The following SEC23IP variants were observed in gnomAD, a reference collection of about 807,000 sequenced individuals.
SEC23IP encodes the protein SEC23-interacting protein.
In SEC23IP, 70 loss-of-function variants were observed where a neutral mutation model predicts 113.4. The observed-to-expected ratio is 0.62, with a 90% CI of 0.51 to 0.75. The LOEUF is 0.75. Among genes scored for constraint, SEC23IP ranks in the 30% least tolerant of loss-of-function variants. The pLI is 0.00. For synonymous variants in SEC23IP, 398 were observed against 421.0 expected (o/e 0.95, Z 0.67); for missense variants, 1,160 against 1,204.9 (o/e 0.96, Z 0.55).
chr10:119,938,496 T>C (rs941460001), intron 18 of SEC23IP, among the ~76,000 whole-genome samples: 1 of 152,208 alleles, frequency 6.6e-6, no homozygotes, highest in South Asian at 2.1e-4. Flanking sequence ...CCTTTGAGAC[T>C]CCCTTTCTGG....
intron 13 of SEC23IP, 140 bp downstream of exon 13, chr10:119,926,367 A>T (rs1201398964): frequency 1.8e-5 from 16 of 875,074 alleles, no homozygotes; most frequent in Non-Finnish European, 2.7e-5. Flanking sequence ...CTTAGTGAAA[A>T]TTTTTTTCTT....
At chr10:119,925,133 G>A (rs539997501) in intron 12 of SEC23IP, among the ~76,000 whole-genome samples, 2 of 152,220 alleles carry the variant, frequency 1.3e-5, no homozygotes, top group African/African-American at 2.4e-5. Context: ...CACTTGTGTC[G>A]TCACTGCCTA....
intron 2 of SEC23IP, among the ~76,000 whole-genome samples, chr10:119,900,118 G>A (rs989878870): frequency 2.6e-5 from 4 of 151,490 alleles, no homozygotes; most frequent in Admixed American, 1.3e-4. Flanking sequence ...AATACATTAT[G>A]ATTCTTTACT....
At chr10:119,937,167 G>A (rs1319901034) in intron 18 of SEC23IP, among the ~76,000 whole-genome samples, 7 of 151,724 alleles carry the variant, frequency 4.6e-5, no homozygotes, top group Non-Finnish European at 8.8e-5. Context: ...GAGCCACCGT[G>A]CCCGGCCAGG....
intron 6 of SEC23IP, chr10:119,914,526 C>G (rs1034906454): frequency 1.9e-6 from 1 of 522,780 alleles, no homozygotes; most frequent in Non-Finnish European, 3.5e-6. Context: ...CTGCCTCCAC[C>G]TCTTGTTCTA....
chr10:119,919,311 A>T, intron 10 of SEC23IP, 133 bp from the exon 11 acceptor site: 2 of 807,804 alleles, frequency 2.5e-6, no homozygotes, highest in Non-Finnish European at 1.9e-6. Context: ...TCAAACTTTG[A>T]ATGGCAAAGT....
chr10:119,894,461 C>T (rs1239656254), intron 1 of SEC23IP, among the ~76,000 whole-genome samples: 2 of 152,168 alleles, frequency 1.3e-5, no homozygotes, highest in African/African-American at 4.8e-5. Flanking sequence ...TTGTTTATTC[C>T]ACTGCACTAG....
At chr10:119,905,498 T>C (rs1333893322) in intron 4 of SEC23IP, among the ~76,000 whole-genome samples, 1 of 152,142 alleles carries the variant, frequency 6.6e-6, no homozygotes, top group Non-Finnish European at 1.5e-5. Context: ...TAGGGAGACC[T>C]TAGCTTTTGT....
At chr10:119,931,266 C>T (rs553701152) in intron 15 of SEC23IP, among the ~76,000 whole-genome samples, 5 of 120,068 alleles carry the variant, frequency 4.2e-5, no homozygotes, top group Middle Eastern at 3.8e-3. Flanking sequence ...CGAGAGACTC[C>T]GTCTCAAAAA....
intron 12 of SEC23IP, among the ~76,000 whole-genome samples, chr10:119,925,728 A>T (rs1345367147): frequency 6.6e-6 from 1 of 151,758 alleles, no homozygotes; most frequent in African/African-American, 2.4e-5. Flanking sequence ...TTTTCTAGAG[A>T]TGGAGGTCTC....
chr10:119,939,630 G>T (rs184883823), intron 18 of SEC23IP, among the ~76,000 whole-genome samples: 1 of 152,106 alleles, frequency 6.6e-6, no homozygotes, highest in African/African-American at 2.4e-5. Flanking sequence ...AGCTGAGATC[G>T]TGCCATTGCA....
intron 8 of SEC23IP, among the ~76,000 whole-genome samples, chr10:119,917,601 A>G (rs1349380016): frequency 6.6e-6 from 1 of 150,742 alleles, no homozygotes; most frequent in Non-Finnish European, 1.5e-5. Flanking sequence ...TTGGTCTTGA[A>G]CTCCTGACCT....
intron 11 of SEC23IP, among the ~76,000 whole-genome samples, chr10:119,919,873 T>G (rs1390979215): frequency 1.3e-5 from 2 of 152,198 alleles, no homozygotes; most frequent in African/African-American, 4.8e-5. Flanking sequence ...ACACACATTA[T>G]AGACAGAGGG....
chr10:119,917,974 T>C lies in SEC23IP; in HGVS notation c.1683T>C (p.His561=), dbSNP rs776055487. The C allele has an allele frequency of 6.2e-7, 1 of 1,614,022 alleles. No individual in the cohort carries two copies. Among genetic ancestry groups the C allele is most frequent in the Non-Finnish European group, 8.5e-7 (1 of 1,179,998 alleles). Residue 561 remains histidine (H), a synonymous_variant, in exon 9 of 19, where the codon CAT becomes CAC. Coordinates refer to ENST00000369075, the MANE Select transcript of SEC23IP (RefSeq NM_007190.4). ...IVEKVGMEIN[H]LHALFMSRNP... is the part of the protein sequence containing the mutation. ...AAAAAGTAGGAATGGAGATAAACCA[T>C]CTGCATGCACTCTTTATGAGTCGGA...
In SEC23IP at chr10:119,917,945, G is replaced by A. The variant is rs774702658; in HGVS notation, c.1654G>A (p.Val552Met). Reference sequence around the variant, plus strand: ...CAGCCCCACCTACTGTCAGACAATTGTGGAAAAAGTAGGAATGGAGATAAA... The same window carrying A: ...CAGCCCCACCTACTGTCAGACAATTATGGAAAAAGTAGGAATGGAGATAAA... The part of the protein sequence containing the change: ...YNSPTYCQTI[V>M]EKVGMEINHL... The change falls in exon 9 of 19, where the codon GTG (valine) becomes ATG (methionine). Residue 552 changes from valine (V) to methionine (M), a missense_variant. Transcript: ENST00000369075. 6.8e-6 allele frequency: 11 copies of A among 1,613,906 alleles called. No homozygotes were observed. The highest frequency in any genetic ancestry group is 1.3e-5 in the African/African-American group (1 of 74,916).
chr10:119,907,160 G>T lies in SEC23IP; in HGVS notation c.1102-1881G>T, dbSNP rs187317659. Among the ~76,000 whole-genome samples the T allele has an allele frequency of 2.3e-4, 35 of 151,948 alleles. No homozygotes were observed. The East Asian group carries it at 4.7e-3, about 20-fold the overall frequency. On this transcript the variant is annotated intron_variant, in intron 4 of 18. Transcript: ENST00000369075. The stretch of plus-strand genomic sequence containing the variant: ...AAAAATACAAAATTAGCCAGGTATG[G>T]TTATGCACGCCTGTAATCCCAGCTA...
intron 4 of SEC23IP, among the ~76,000 whole-genome samples, chr10:119,905,441 C>T (rs987821128): frequency 2.0e-5 from 3 of 152,142 alleles, no homozygotes; most frequent in African/African-American, 2.4e-5. Context: ...GACTTTGAAG[C>T]GGGATAGATA....
chr10:119,926,009 A>G (rs1400500800), intron 12 of SEC23IP, 27 bp from the exon 13 acceptor site: 5 of 1,581,994 alleles, frequency 3.2e-6, no homozygotes, highest in South Asian at 1.1e-5. Context: ...TCTCATGATT[A>G]TGTTACTAAA....
chr10:119,897,751 A>G (rs1432003792), intron 1 of SEC23IP, among the ~76,000 whole-genome samples: 1 of 152,224 alleles, frequency 6.6e-6, no homozygotes. Context: ...TAATCCCAGC[A>G]CTTTGGGAGG....
Sources: gnomAD v4.1 joint callset for allele counts (sites outside exome capture counted in the v4.1 genomes callset) on GRCh38, gnomAD v4.1.1 for gene constraint, MANE v1.5 for transcripts, NCBI Gene and HGNC (gene_info 2026-07-23, HGNC 2026-07-21) for gene names.